The following RBFOX1 variants were observed in gnomAD, a reference collection of about 807,000 sequenced individuals.
The protein encoded by RBFOX1 is RNA binding fox-1 homolog 1, also known as RNA binding protein fox-1 homolog 1.
Under a neutral mutation model 57.7 loss-of-function variants are expected in RBFOX1, and 8 were observed. That is an observed-to-expected ratio of 0.14 (90% CI 0.08 to 0.25). The LOEUF (loss-of-function observed/expected upper bound fraction) is 0.25, where lower values mean the gene tolerates loss of function less well. Among genes scored for constraint, RBFOX1 ranks in the 10% least tolerant of loss-of-function variants. RBFOX1 has a pLI of 1.00. For missense variants in RBFOX1, 611 were observed against 548.5 expected (o/e 1.11, Z -1.14); for synonymous variants, 326 against 222.4 (o/e 1.47, Z -4.15).
At chr16:6,882,952 G>A (rs1367095093) in intron 3 of RBFOX1, among the ~76,000 whole-genome samples, 4 of 152,072 alleles carry the variant, frequency 2.6e-5, no homozygotes, top group Non-Finnish European at 2.9e-5. Flanking sequence ...TTCCCCTCCT[G>A]CTTTAGCAAT....
intron 1 of RBFOX1, among the ~76,000 whole-genome samples, chr16:5,427,397 C>T (rs987009651): frequency 2.0e-5 from 3 of 152,104 alleles, no homozygotes; most frequent in African/African-American, 7.2e-5. Flanking sequence ...CCAGCTTGGC[C>T]AGCATGGTGA....
intron 1 of RBFOX1, among the ~76,000 whole-genome samples, chr16:6,307,660 A>G (rs2079688239): frequency 6.8e-6 from 1 of 147,596 alleles, no homozygotes; most frequent in Admixed American, 6.8e-5. Flanking sequence ...TTATATCTTT[A>G]GATTATTAAT....
At chr16:7,388,468 A>G (rs1251128994) in intron 4 of RBFOX1, among the ~76,000 whole-genome samples, 1 of 151,784 alleles carries the variant, frequency 6.6e-6, no homozygotes, top group Non-Finnish European at 1.5e-5. Flanking sequence ...TTTAAATTCT[A>G]CTCCTCCTTT....
intron 1 of RBFOX1, among the ~76,000 whole-genome samples, chr16:5,355,792 C>G (rs975093582): frequency 6.6e-5 from 10 of 152,072 alleles, no homozygotes; most frequent in African/African-American, 2.4e-5. Flanking sequence ...ATCTAGTGTC[C>G]TTAAAAGAAG....
At chr16:5,964,625 CCATATACA>C (rs777959032) in intron 4 of RBFOX1, among the ~76,000 whole-genome samples, 23 of 151,698 alleles carry the variant, frequency 1.5e-4, no homozygotes, top group Non-Finnish European at 2.1e-4. Context: ...CTCACATATA[CCATATACA>C]CATATACACA....
intron 3 of RBFOX1, among the ~76,000 whole-genome samples, chr16:7,035,742 G>A (rs948814989): frequency 1.3e-5 from 2 of 152,132 alleles, no homozygotes; most frequent in African/African-American, 4.8e-5. Context: ...ATGAATGCCT[G>A]CTCATTGTTG....
At chr16:5,822,565 G>A (rs1597384975) in intron 3 of RBFOX1, among the ~76,000 whole-genome samples, 1 of 152,256 alleles carries the variant, frequency 6.6e-6, no homozygotes, top group African/African-American at 2.4e-5. Flanking sequence ...ATAGTATATT[G>A]TGCACTTAAA....
chr16:7,194,708 G>A (rs1301475572), intron 4 of RBFOX1, among the ~76,000 whole-genome samples: 1 of 152,016 alleles, frequency 6.6e-6, no homozygotes, highest in African/African-American at 2.4e-5. Flanking sequence ...TGGGTGGATT[G>A]CCTGAGCCCT....
chr16:7,243,876 G>T (rs908355616), intron 4 of RBFOX1, among the ~76,000 whole-genome samples: 3 of 152,064 alleles, frequency 2.0e-5, no homozygotes, highest in East Asian at 3.9e-4. Context: ...TAATGATTAT[G>T]TTATAATCTG....
chr16:6,694,702 T>G (rs935790913), intron 3 of RBFOX1, among the ~76,000 whole-genome samples: 5 of 152,176 alleles, frequency 3.3e-5, no homozygotes, highest in Admixed American at 2.6e-4. Context: ...CCACCAGCTC[T>G]ATCATATCCT....
intron 3 of RBFOX1, among the ~76,000 whole-genome samples, chr16:6,975,422 T>C (rs1275480216): frequency 1.3e-5 from 2 of 152,066 alleles, no homozygotes; most frequent in Non-Finnish European, 2.9e-5. Context: ...CATACCACCA[T>C]ACCCAGTTAA....
At chr16:6,594,170 C>G (rs930149186) in intron 2 of RBFOX1, among the ~76,000 whole-genome samples, 1 of 152,084 alleles carries the variant, frequency 6.6e-6, no homozygotes, top group East Asian at 1.9e-4. Flanking sequence ...GGGGAAAATC[C>G]TTTGTCTAGT....
intron 3 of RBFOX1, among the ~76,000 whole-genome samples, chr16:6,942,712 G>T (rs1461421592): frequency 6.6e-6 from 1 of 152,116 alleles, no homozygotes; most frequent in Non-Finnish European, 1.5e-5. Context: ...CATCTCTTTG[G>T]ACAAGTGACC....
chr16:7,702,996 G>C (rs1484321379), intron 14 of RBFOX1, among the ~76,000 whole-genome samples: 3 of 152,154 alleles, frequency 2.0e-5, no homozygotes, highest in Non-Finnish European at 4.4e-5. Flanking sequence ...ACCCCAACCA[G>C]GGGGGTAGAC....
chr16:6,020,759 T>C (rs564000612), intron 1 of RBFOX1, among the ~76,000 whole-genome samples: 2 of 152,050 alleles, frequency 1.3e-5, no homozygotes, highest in East Asian at 3.9e-4. Flanking sequence ...AGGGCGGGGC[T>C]AGTGGGGCGC....
At chr16:7,136,200 G>T (rs917883009) in intron 4 of RBFOX1, among the ~76,000 whole-genome samples, 3 of 152,112 alleles carry the variant, frequency 2.0e-5, no homozygotes, top group Non-Finnish European at 4.4e-5. Flanking sequence ...CAGAATAAAG[G>T]CTAGTTCTTT....
At chr16:6,715,578 C>T (rs962243842) in intron 3 of RBFOX1, among the ~76,000 whole-genome samples, 1 of 152,116 alleles carries the variant, frequency 6.6e-6, no homozygotes, top group Admixed American at 6.5e-5. Context: ...GTCTTAAGAG[C>T]TAAGAATCCA....
intron 9 of RBFOX1, among the ~76,000 whole-genome samples, chr16:7,601,934 C>G (rs892338981): frequency 1.3e-5 from 2 of 152,162 alleles, no homozygotes; most frequent in Non-Finnish European, 2.9e-5. Flanking sequence ...GCGAACCTCA[C>G]TTCTTTTTGT....
chr16:6,508,020 A>G (rs993392528), intron 2 of RBFOX1, among the ~76,000 whole-genome samples: 1 of 152,210 alleles, frequency 6.6e-6, no homozygotes, highest in Non-Finnish European at 1.5e-5. Context: ...ACATGATGGA[A>G]TACTATGCAG....
Sources: gnomAD v4.1 joint callset for allele counts (sites outside exome capture counted in the v4.1 genomes callset) on GRCh38, gnomAD v4.1.1 for gene constraint, MANE v1.5 for transcripts, NCBI Gene and HGNC (gene_info 2026-07-23, HGNC 2026-07-21) for gene names.